Variants in NAA25 observed in about 807,000 individuals in gnomAD.
The protein encoded by NAA25 is N-terminal acetyltransferase B complex subunit NAA25.
NAA25 carries 30 observed loss-of-function variants against 132.5 expected under a neutral mutation model. The observed-to-expected ratio is 0.23, with a 90% confidence interval of 0.17 to 0.31. The LOEUF (loss-of-function observed/expected upper bound fraction) is 0.31, where lower values mean the gene tolerates loss of function less well. Among genes scored for constraint, NAA25 ranks in the 10% least tolerant of loss-of-function variants. The pLI is 1.00. For synonymous variants in NAA25, 359 were observed against 401.9 expected (o/e 0.89, Z 1.28); for missense variants, 771 against 1,150.4 (o/e 0.67, Z 4.77).
intron 7 of NAA25, among the ~76,000 whole-genome samples, chr12:112,077,408 G>A (rs1267894025): frequency 6.6e-6 from 1 of 151,844 alleles, no homozygotes; most frequent in Non-Finnish European, 1.5e-5. Context: ...AGGAGGCAGA[G>A]GTTGCAGTGA....
chr12:112,083,453 C>T (rs978580045), intron 4 of NAA25, among the ~76,000 whole-genome samples: 2 of 151,548 alleles, frequency 1.3e-5, no homozygotes, highest in Non-Finnish European at 2.9e-5. Flanking sequence ...TGCAGTGGGC[C>T]GGAATTGCAC....
At chr12:112,067,870 G>A (rs1333512113) in intron 11 of NAA25, among the ~76,000 whole-genome samples, 1 of 151,980 alleles carries the variant, frequency 6.6e-6, no homozygotes, top group Non-Finnish European at 1.5e-5. Flanking sequence ...CAAGTAGCTG[G>A]GTCTACACGT....
At chr12:112,040,251 G>A in intron 21 of NAA25, 1 of 397,710 alleles carries the variant, frequency 2.5e-6, no homozygotes, top group Non-Finnish European at 4.5e-6. Flanking sequence ...TTAGAGATGA[G>A]TACAGCAAAT....
chr12:112,068,093 C>A (rs1400396696), intron 11 of NAA25, among the ~76,000 whole-genome samples: 1 of 151,980 alleles, frequency 6.6e-6, no homozygotes, highest in Non-Finnish European at 1.5e-5. Context: ...GGCTGGAGTG[C>A]AGCAGCATGA....
chr12:112,052,103 A>G (rs759204715), intron 15 of NAA25, among the ~76,000 whole-genome samples: 20 of 152,204 alleles, frequency 1.3e-4, no homozygotes, highest in Middle Eastern at 3.2e-3. Context: ...AAATACAGAA[A>G]TGAGGCCATA....
At chr12:112,037,283 T>A (rs1425448343) in intron 22 of NAA25, among the ~76,000 whole-genome samples, 2 of 60,670 alleles carry the variant, frequency 3.3e-5, no homozygotes, top group Non-Finnish European at 5.9e-5. Context: ...TACATATATA[T>A]ATATATATAT....
chr12:112,071,195 T>C (rs1384094296), intron 10 of NAA25, among the ~76,000 whole-genome samples: 1 of 151,392 alleles, frequency 6.6e-6, no homozygotes, highest in African/African-American at 2.4e-5. Context: ...ATTTTTTGTA[T>C]TTTTAGCAGA....
chr12:112,096,059 T>A (rs1334676420), intron 1 of NAA25, among the ~76,000 whole-genome samples: 1 of 152,132 alleles, frequency 6.6e-6, no homozygotes, highest in African/African-American at 2.4e-5. Context: ...AGGGAAACCA[T>A]GGGGATGGGG....
At chr12:112,074,821 C>A (rs2078872300) in intron 8 of NAA25, 57 bp from the exon 9 acceptor site, 1 of 1,156,574 alleles carries the variant, frequency 8.6e-7, no homozygotes, top group Non-Finnish European at 1.3e-6. Context: ...ACAGATCTTC[C>A]TTAGGAACCA....
intron 17 of NAA25, among the ~76,000 whole-genome samples, chr12:112,046,977 A>C (rs1444905149): frequency 6.6e-6 from 1 of 152,084 alleles, no homozygotes; most frequent in Non-Finnish European, 1.5e-5. Flanking sequence ...ATTTAAAAAT[A>C]TTTTCTATAT....
chr12:112,044,121 C>A (rs1401326738), intron 17 of NAA25, among the ~76,000 whole-genome samples: 1 of 151,380 alleles, frequency 6.6e-6, no homozygotes, highest in South Asian at 2.1e-4. Flanking sequence ...TTAGTAGAGA[C>A]GGGTTTTCAC....
chr12:112,050,047 TA>T (rs75376629), intron 15 of NAA25, among the ~76,000 whole-genome samples: 9,334 of 128,826 alleles, frequency 0.072, 1,237 homozygotes, highest in East Asian at 0.61. Flanking sequence ...CCACTTTATT[TA>T]AAAAAAAAAA....
At chr12:112,030,074 A>G (rs1434581433) in intron 23 of NAA25, among the ~76,000 whole-genome samples, 1 of 152,082 alleles carries the variant, frequency 6.6e-6, no homozygotes, top group Non-Finnish European at 1.5e-5. Flanking sequence ...TTAGCCAGGC[A>G]TGGTGTCACA....
chr12:112,055,976 G>A (rs2078538682), intron 13 of NAA25, among the ~76,000 whole-genome samples: 1 of 152,280 alleles, frequency 6.6e-6, no homozygotes, highest in Non-Finnish European at 1.5e-5. Context: ...AAGGCAGGGA[G>A]ATGGCTTGAG....
chr12:112,034,513 C>G (rs1274539413), intron 22 of NAA25: 2 of 152,346 alleles, frequency 1.3e-5, no homozygotes, highest in Non-Finnish European at 2.9e-5. Flanking sequence ...GTAATCCCAG[C>G]TACTCCGGAG....
Position 112,033,323 on chromosome 12 carries a change from G to C in NAA25, c.2706C>G (p.Ser902=). Residue 902 remains serine, a synonymous_variant, in exon 23 of 24, where the codon TCC becomes TCG. Transcript: ENST00000261745. ...DYVTGLQTLI[S]NVVDHIKGLE... ...GCCCTTTAATATGATCCACAACATT[G>C]GAAATTAAAGTCTGAAGCCCAGTAA... is the stretch of plus-strand genomic sequence containing the variant. 6.2e-7 allele frequency: 1 copy of C among 1,613,140 alleles called. No homozygotes were observed. The highest frequency in any genetic ancestry group is 2.2e-5 in the East Asian group (1 of 44,826).
intron 11 of NAA25, 24 bp from the exon 12 acceptor site, chr12:112,061,412 C>T (rs1566012162): frequency 6.4e-6 from 10 of 1,568,698 alleles, no homozygotes; most frequent in Non-Finnish European, 8.8e-6. Context: ...AAAAAAGGAG[C>T]AAAGGTCTCA....
intron 22 of NAA25, chr12:112,035,334 CT>C (rs954151962): frequency 1.1e-4 from 17 of 149,382 alleles, no homozygotes; most frequent in East Asian, 3.9e-4. Context: ...CTTTGCCCTC[CT>C]TTTTTTTTTC....
Position 112,083,804 on chromosome 12 carries a change from G to C in NAA25, c.403-2670C>G, listed in dbSNP as rs1413767096. On this transcript the variant is annotated intron_variant, in intron 4 of 23. Transcript: ENST00000261745. ...AATCCCTGCACTTTGGGAAGCCAAGGCAGGAGGACTGCTTGAGCCCAGCAA... is the reference window on the plus strand; with the variant it reads ...AATCCCTGCACTTTGGGAAGCCAAGCCAGGAGGACTGCTTGAGCCCAGCAA... Among the ~76,000 whole-genome samples, 3 of 152,282 alleles carry C rather than the reference G, an allele frequency of 2.0e-5. No homozygotes were observed. In the South Asian group the frequency reaches 6.2e-4, roughly 32 times the overall value.
Sources: gnomAD v4.1 joint callset for allele counts (sites outside exome capture counted in the v4.1 genomes callset) on GRCh38, gnomAD v4.1.1 for gene constraint, MANE v1.5 for transcripts, NCBI Gene and HGNC (gene_info 2026-07-23, HGNC 2026-07-21) for gene names.